MYO3B: variants seen among roughly 807,000 people sequenced by gnomAD.
The protein encoded by MYO3B is myosin IIIB, also known as myosin-IIIb.
MYO3B carries 156 observed loss-of-function variants against 174.6 expected under a neutral mutation model. That is an observed-to-expected ratio of 0.89 (90% CI 0.78 to 1.02). The LOEUF is 1.02. Among genes scored for constraint, MYO3B ranks in the 50% least tolerant of loss-of-function variants. The pLI, the probability that MYO3B is intolerant of heterozygous loss-of-function variation, is 0.00. For missense variants in MYO3B, 1,632 were observed against 1,639.4 expected (o/e 1.00, Z 0.08); for synonymous variants, 563 against 569.1 (o/e 0.99, Z 0.15).
At chr2:170,265,106 C>T (rs1361641545) in intron 7 of MYO3B, among the ~76,000 whole-genome samples, 1 of 152,196 alleles carries the variant, frequency 6.6e-6, no homozygotes, top group East Asian at 1.9e-4. Context: ...GGCTGGCTTT[C>T]ATAATGGCAC....
chr2:170,222,144 C>T (rs1239340483), intron 6 of MYO3B, among the ~76,000 whole-genome samples: 1 of 152,290 alleles, frequency 6.6e-6, no homozygotes, highest in East Asian at 1.9e-4. Context: ...CTGCTGCAAG[C>T]TGCATGGCTT....
intron 32 of MYO3B, among the ~76,000 whole-genome samples, chr2:170,555,359 C>T (rs1045742445): frequency 6.6e-6 from 1 of 152,178 alleles, no homozygotes; most frequent in Non-Finnish European, 1.5e-5. Context: ...CTGTATTCAT[C>T]ATGACAGTAT....
At chr2:170,563,299 A>G (rs1435046415) in intron 32 of MYO3B, among the ~76,000 whole-genome samples, 1 of 151,596 alleles carries the variant, frequency 6.6e-6, no homozygotes, top group East Asian at 1.9e-4. Flanking sequence ...GTAGTTCTCC[A>G]AGGACCAATG....
intron 32 of MYO3B, among the ~76,000 whole-genome samples, chr2:170,600,754 C>G (rs1694459089): frequency 6.6e-6 from 1 of 152,106 alleles, no homozygotes; most frequent in African/African-American, 2.4e-5. Flanking sequence ...AATGTGGGAA[C>G]TGCAAAATAT....
chr2:170,271,960 C>G (rs907321225), intron 7 of MYO3B, among the ~76,000 whole-genome samples: 4 of 151,774 alleles, frequency 2.6e-5, no homozygotes, highest in Non-Finnish European at 5.9e-5. Flanking sequence ...GAAAATAGCT[C>G]TTTGTATCTA....
intron 32 of MYO3B, among the ~76,000 whole-genome samples, chr2:170,576,512 G>C (rs1269230131): frequency 6.6e-6 from 1 of 152,208 alleles, no homozygotes; most frequent in African/African-American, 2.4e-5. Context: ...ATCCCCTGTT[G>C]GGAGTCCAGT....
chr2:170,190,682 A>C (rs2092529546), intron 1 of MYO3B, among the ~76,000 whole-genome samples: 1 of 152,064 alleles, frequency 6.6e-6, no homozygotes. Flanking sequence ...TCAAGGCCCA[A>C]ATGCTCTTCA....
chr2:170,526,793 G>A (rs989053201), intron 30 of MYO3B, among the ~76,000 whole-genome samples: 5 of 152,246 alleles, frequency 3.3e-5, no homozygotes, highest in African/African-American at 9.6e-5. Context: ...TTTTCCTTGG[G>A]GACTTGCTTA....
At chr2:170,454,786 G>C (rs898635141) in intron 23 of MYO3B, among the ~76,000 whole-genome samples, 1 of 152,218 alleles carries the variant, frequency 6.6e-6, no homozygotes, top group African/African-American at 2.4e-5. Flanking sequence ...AGAGCCAGCT[G>C]TGTGGGAGAC....
In MYO3B at chr2:170,401,726, G is replaced by A. The variant is rs375969023; in HGVS notation, c.2129+35G>A. 48 of 1,588,650 alleles carry A rather than the reference G, an allele frequency of 3.0e-5. No individual in the cohort carries two copies. In the African/African-American group the frequency reaches 6.3e-4, roughly 21 times the overall value. On this transcript the variant is annotated intron_variant, in intron 18 of 34. Coordinates refer to ENST00000408978, the MANE Select transcript of MYO3B (RefSeq NM_138995.5). ...TCGGAGAGCAGAGGGTCTCAGGAGA[G>A]CTGTCATTGACCCCGCCGTCTCTTA...
intron 30 of MYO3B, among the ~76,000 whole-genome samples, chr2:170,534,457 G>A (rs544155596): frequency 6.6e-6 from 1 of 152,044 alleles, no homozygotes; most frequent in African/African-American, 2.4e-5. Context: ...TTGTTTGTTT[G>A]TTTGTTGAGA....
At chr2:170,556,741 C>T (rs1285576324) in intron 32 of MYO3B, among the ~76,000 whole-genome samples, 1 of 152,158 alleles carries the variant, frequency 6.6e-6, no homozygotes, top group African/African-American at 2.4e-5. Flanking sequence ...AGGCTGGTCT[C>T]GAACTCCTGA....
intron 7 of MYO3B, among the ~76,000 whole-genome samples, chr2:170,277,059 C>T (rs1392548504): frequency 6.6e-6 from 1 of 152,114 alleles, no homozygotes; most frequent in Non-Finnish European, 1.5e-5. Context: ...GTCATGCTGA[C>T]AAGGTCAGTG....
intron 8 of MYO3B, chr2:170,349,814 G>A (rs68133231): frequency 0.53 from 71,589 of 134,022 alleles, 20,470 homozygotes; most frequent in East Asian, 0.68. Context: ...AAAAAAAAAA[G>A]AAAGAAAGAA....
chr2:170,636,687 T>A (rs1484367636), intron 32 of MYO3B, among the ~76,000 whole-genome samples: 1 of 152,182 alleles, frequency 6.6e-6, no homozygotes, highest in Non-Finnish European at 1.5e-5. Flanking sequence ...CCATCATGGA[T>A]GTCCAAGATC....
intron 3 of MYO3B, among the ~76,000 whole-genome samples, chr2:170,213,809 C>G (rs2092798808): frequency 1.3e-5 from 2 of 152,304 alleles, no homozygotes; most frequent in South Asian, 4.1e-4. Flanking sequence ...AATAAATGCA[C>G]TTATGATGCA....
chr2:170,590,462 A>AT (rs1169758115), intron 32 of MYO3B, among the ~76,000 whole-genome samples: 1 of 151,966 alleles, frequency 6.6e-6, no homozygotes, highest in Non-Finnish European at 1.5e-5. Context: ...ACATTAACAT[A>AT]TTTTTTTAAG....
At chr2:170,484,705 G>A (rs1685914713) in intron 25 of MYO3B, among the ~76,000 whole-genome samples, 1 of 152,128 alleles carries the variant, frequency 6.6e-6, no homozygotes, top group Non-Finnish European at 1.5e-5. Context: ...CCCAAATTTA[G>A]GAGTCTAAGG....
chr2:170,311,581 T>C (rs1206419010), intron 7 of MYO3B, among the ~76,000 whole-genome samples: 1 of 151,898 alleles, frequency 6.6e-6, no homozygotes, highest in Non-Finnish European at 1.5e-5. Context: ...TTCTTGGTGA[T>C]GTCCTTTGAA....
Sources: gnomAD v4.1 joint callset for allele counts (sites outside exome capture counted in the v4.1 genomes callset) on GRCh38, gnomAD v4.1.1 for gene constraint, MANE v1.5 for transcripts, NCBI Gene and HGNC (gene_info 2026-07-23, HGNC 2026-07-21) for gene names.